The following OR7D2 variants were observed in gnomAD, a reference collection of about 807,000 sequenced individuals.
OR7D2 encodes olfactory receptor family 7 subfamily D member 2.
For missense variants in OR7D2, 370 were observed against 384.1 expected, an observed-to-expected ratio of 0.96 and a Z score of 0.31; for synonymous variants, 158 against 158.7, an observed-to-expected ratio of 1.00 and a Z score of 0.03.
chr19:9,181,460 T>C (rs2050988917), intron 2 of OR7D2, among the ~76,000 whole-genome samples: 2 of 142,940 alleles, frequency 1.4e-5, no homozygotes, highest in Admixed American at 7.0e-5. Context: ...TTTTTTTTTT[T>C]TTTTTTTTGA....
At position 9,185,922 on chromosome 19, in the gene OR7D2, G is replaced by A. The variant is rs1159724414; in HGVS notation, c.141G>A (p.Leu47=). ...TGCTGGGAAACCTGCTCATCATCCT[G>A]GCCATCAGCTCTGACTCCCACCTCC... is the stretch of plus-strand genomic sequence containing the variant. ...VTVLGNLLII[L]AISSDSHLHT... The change falls in exon 3 of 3, where the codon CTG becomes CTA. Residue 47 remains leucine (L), a synonymous_variant. Coordinates refer to ENST00000641288, the MANE Select transcript of OR7D2 (RefSeq NM_175883.4). 1 of 1,614,016 alleles carries A rather than the reference G, an allele frequency of 6.2e-7. No individual in the cohort carries two copies.
In OR7D2 at chr19:9,186,480, A is replaced by T; in HGVS notation, c.699A>T (p.Gly233=). 1 of 1,613,976 alleles carries T rather than the reference A, an allele frequency of 6.2e-7. No homozygotes were observed. The highest frequency in any genetic ancestry group is 8.5e-7 in the Non-Finnish European group (1 of 1,179,986). ...TAAGGAAGATGTCCTCATCTGGGGG[A>T]AAACAAAAAGCACTTTCCACCTGTG... ...SSIRKMSSSG[G]KQKALSTCGS... Residue 233 remains glycine (G), a synonymous_variant, in exon 3 of 3, where the codon GGA becomes GGT. Transcript: ENST00000641288.
chr19:9,186,200 T>C lies in OR7D2; in HGVS notation c.419T>C (p.Leu140Pro). Residue 140 changes from leucine (L) to proline (P), a missense_variant, in exon 3 of 3, where the codon CTC becomes CCC. Transcript: ENST00000641288. The stretch of plus-strand genomic sequence containing the variant: ...TATATGATCATCATGAACCCCCACC[T>C]CTGTGGCCTCCTGGTTTTTGTCACC... ...LHYMIIMNPHLCGLLVFVTWL... is the reference protein window; with the variant it reads ...LHYMIIMNPHPCGLLVFVTWL... 6.2e-7 allele frequency: 1 copy of C among 1,614,122 alleles called. No homozygotes were observed. The highest frequency in any genetic ancestry group is 8.5e-7 in the Non-Finnish European group (1 of 1,180,000).
chr19:9,180,407 C>T (rs2050981695), intron 1 of OR7D2, among the ~76,000 whole-genome samples: 1 of 152,128 alleles, frequency 6.6e-6, no homozygotes, highest in African/African-American at 2.4e-5. Flanking sequence ...TCACAGCACC[C>T]AGCCAGGCTG....
intron 2 of OR7D2, among the ~76,000 whole-genome samples, chr19:9,182,644 C>T (rs1412025485): frequency 6.6e-6 from 1 of 151,962 alleles, no homozygotes; most frequent in African/African-American, 2.4e-5. Flanking sequence ...CTCAGCCTCA[C>T]GAGTAGCTGG....
At chr19:9,183,580 A>C (rs897011862) in intron 2 of OR7D2, among the ~76,000 whole-genome samples, 7 of 152,126 alleles carry the variant, frequency 4.6e-5, no homozygotes, top group Non-Finnish European at 1.0e-4. Context: ...GCCTGACCTT[A>C]GAATTATTAA....
At position 9,188,601 on chromosome 19, in the gene OR7D2, C is replaced by T. The variant is rs2051056622; in HGVS notation, c.*1881C>T. The T allele has an allele frequency of 6.0e-6, 1 of 167,108 alleles. No homozygotes were observed. Among genetic ancestry groups the T allele is most frequent in the African/African-American group, 2.4e-5 (1 of 41,466 alleles). 10.4% of individuals were successfully genotyped at this position (167,108 alleles called of 1,614,324 possible). ...TCCTTGATCATCGTTCTTAATTCTC[C>T]ATTAGTGAGTTCTGAACTTGGGTTT... On this transcript the variant is annotated 3_prime_UTR_variant, in exon 3 of 3. Transcript: ENST00000641288.
rs1294778876 is a variant in OR7D2 at position 9,188,627 on chromosome 19, G to C, written c.*1907G>C. The C allele has an allele frequency of 6.0e-6, 1 of 167,060 alleles. No individual in the cohort carries two copies. Among genetic ancestry groups the C allele is most frequent in the Non-Finnish European group, 1.5e-5 (1 of 68,108 alleles). 10.3% of individuals were successfully genotyped at this position (167,060 alleles called of 1,614,324 possible). On this transcript the variant is annotated 3_prime_UTR_variant, in exon 3 of 3. Coordinates refer to ENST00000641288, the MANE Select transcript of OR7D2 (RefSeq NM_175883.4). ...ATTAGTGAGTTCTGAACTTGGGTTT[G>C]AAGCATTTGCTATAGCTTTGTTATC... is the stretch of plus-strand genomic sequence containing the variant.
rs752945531 is a variant in OR7D2, at chr19:9,186,605, C to T, written c.824C>T (p.Ser275Leu). The change falls in exon 3 of 3, where the codon TCG (serine) becomes TTG (leucine). Residue 275 changes from serine (S) to leucine (L), a missense_variant. Transcript: ENST00000641288. The part of the protein sequence containing the change: ...THSSQKISVA[S>L]VMYTVVTPML... ...TCTTCCCAGAAAATCTCCGTGGCCT[C>T]GGTGATGTACACTGTGGTCACCCCC... 6.2e-6 allele frequency: 10 copies of T among 1,613,894 alleles called. No individual in the cohort carries two copies. Among genetic ancestry groups the T allele is most frequent in the South Asian group, 1.1e-5 (1 of 91,076 alleles).
In OR7D2 at chr19:9,186,055, A is replaced by G. The variant is rs1599211849; in HGVS notation, c.274A>G (p.Ile92Val). 1 of 1,614,034 alleles carries G rather than the reference A, an allele frequency of 6.2e-7. No individual in the cohort carries two copies. The highest frequency in any genetic ancestry group is 8.5e-7 in the Non-Finnish European group (1 of 1,180,008). Residue 92 changes from isoleucine to valine, a missense_variant, in exon 3 of 3, where the codon ATC (isoleucine) becomes GTC (valine). Coordinates refer to ENST00000641288, the MANE Select transcript of OR7D2 (RefSeq NM_175883.4). ...LVNIQTENKA[I>V]SYMDCLTQVY... ...GAACATCCAGACCGAGAACAAAGCCATCTCCTACATGGACTGCCTCACACA... is the reference window on the plus strand; with the variant it reads ...GAACATCCAGACCGAGAACAAAGCCGTCTCCTACATGGACTGCCTCACACA...
intron 1 of OR7D2, among the ~76,000 whole-genome samples, chr19:9,179,760 C>A (rs1003226674): frequency 5.9e-5 from 9 of 151,966 alleles, no homozygotes; most frequent in African/African-American, 2.2e-4. Context: ...AATCCCAGAA[C>A]TTTAGGAGGC....
intron 2 of OR7D2, among the ~76,000 whole-genome samples, chr19:9,182,659 AT>A (rs1158354095): frequency 6.6e-5 from 10 of 152,058 alleles, no homozygotes. Context: ...AGCTGGGACT[AT>A]AGGCGCCCGC....
At position 9,187,761 on chromosome 19, in the gene OR7D2, T is replaced by A. The variant is rs78667112; in HGVS notation, c.*1041T>A. 9.5e-3 allele frequency: 1,594 copies of A among 167,014 alleles called. 20 individuals carry two copies. The highest frequency in any genetic ancestry group is 0.011 in the Non-Finnish European group (754 of 68,108). The allele number at this position is 167,014 out of a possible 1,614,324, so 10.3% of individuals were successfully genotyped here. A position where few individuals can be genotyped will look rare whatever the true frequency, so the allele number is the denominator to read the frequency against. On this transcript the variant is annotated 3_prime_UTR_variant, in exon 3 of 3. Coordinates refer to ENST00000641288, the MANE Select transcript of OR7D2 (RefSeq NM_175883.4). Reference sequence around the variant, plus strand: ...GATATGTTCATATGGATCTTATGTATGTTGGTTGAACATACAAACAAGTCC... The same window carrying A: ...GATATGTTCATATGGATCTTATGTAAGTTGGTTGAACATACAAACAAGTCC...
intron 2 of OR7D2, among the ~76,000 whole-genome samples, chr19:9,184,600 T>C (rs1022721112): frequency 1.3e-5 from 2 of 152,210 alleles, no homozygotes; most frequent in African/African-American, 4.8e-5. Context: ...GATATCTGCA[T>C]GCTCATGTTC....
intron 2 of OR7D2, among the ~76,000 whole-genome samples, chr19:9,185,277 T>C (rs907946229): frequency 2.0e-5 from 3 of 152,112 alleles, no homozygotes; most frequent in African/African-American, 7.2e-5. Context: ...ATGTATCTCA[T>C]AACATATATA....
intron 2 of OR7D2, among the ~76,000 whole-genome samples, chr19:9,181,120 G>A (rs1177951945): frequency 1.3e-5 from 2 of 149,738 alleles, no homozygotes; most frequent in African/African-American, 5.0e-5. Context: ...CCCAGACCCT[G>A]TCAAAAAAAA....
Position 9,186,163 on chromosome 19 carries a change from C to T in OR7D2, c.382C>T (p.His128Tyr), listed in dbSNP as rs968965448. ...CTATGACCGGTTTGTGGCTGTCTGC[C>T]ACCCTCTGCACTATATGATCATCAT... The part of the protein sequence containing the change: ...MAYDRFVAVC[H>Y]PLHYMIIMNP... Residue 128 changes from histidine (H) to tyrosine (Y), a missense_variant, in exon 3 of 3, where the codon CAC (histidine) becomes TAC (tyrosine). Physicochemically the swap from His to Tyr is moderately conservative, Grantham distance 83. Transcript: ENST00000641288. The T allele has an allele frequency of 1.2e-6, 2 of 1,614,026 alleles. No individual in the cohort carries two copies. Among genetic ancestry groups the T allele is most frequent in the Non-Finnish European group, 8.5e-7 (1 of 1,179,982 alleles).
rs2051042247 is a variant in OR7D2, at chr19:9,187,009, C to T, written c.*289C>T. ...TCTCGGCTCACTGCAACCTCCGCCT[C>T]CCGGGTTCAAGTGATTCTTCTGTCT... On this transcript the variant is annotated 3_prime_UTR_variant, in exon 3 of 3. Transcript: ENST00000641288. 9.2e-6 allele frequency: 2 copies of T among 216,802 alleles called. No homozygotes were observed. The highest frequency in any genetic ancestry group is 5.2e-5 in the Admixed American group (1 of 19,272). The allele number at this position is 216,802 out of a possible 1,614,324, so 13.4% of individuals were successfully genotyped here.
chr19:9,182,488 C>CTTA (rs2050996794), intron 2 of OR7D2: 1 of 226,480 alleles, frequency 4.4e-6, no homozygotes, highest in Non-Finnish European at 9.2e-6. Flanking sequence ...TACATGCATA[C>CTTA]TTTATTTATT....
Sources: gnomAD v4.1 joint callset for allele counts (sites outside exome capture counted in the v4.1 genomes callset) on GRCh38, gnomAD v4.1.1 for gene constraint, MANE v1.5 for transcripts, NCBI Gene and HGNC (gene_info 2026-07-23, HGNC 2026-07-21) for gene names.